KCNQ1: variants seen among roughly 807,000 people sequenced by gnomAD.
KCNQ1 encodes the protein potassium voltage-gated channel subfamily KQT member 1.
A neutral mutation model predicts 72.4 loss-of-function variants in KCNQ1; 49 were observed. The observed-to-expected ratio is 0.68, with a 90% CI of 0.54 to 0.86. The LOEUF is 0.86. KCNQ1 is among the 40% of genes least tolerant of loss of function. The pLI is 0.00. For synonymous variants in KCNQ1, 450 were observed against 412.6 expected, an observed-to-expected ratio of 1.09 and a Z score of -1.10; for missense variants, 790 against 945.1, an observed-to-expected ratio of 0.84 and a Z score of 2.15.
intron 2 of KCNQ1, among the ~76,000 whole-genome samples, chr11:2,568,462 C>T (rs1476161693): frequency 3.3e-5 from 5 of 152,134 alleles, no homozygotes; most frequent in East Asian, 1.9e-4. Flanking sequence ...GTCTCAGCTC[C>T]GGGGACTTGG....
At chr11:2,675,127 C>T in intron 11 of KCNQ1, 1 of 398,656 alleles carries the variant, frequency 2.5e-6, no homozygotes, top group Non-Finnish European at 4.4e-6. Flanking sequence ...TCACTAGCCT[C>T]TTTCTCCCAT....
Position 2,588,031 on chromosome 11 carries a change from T to C in KCNQ1, c.1251+339T>C, listed in dbSNP as rs1003723533. On this transcript the variant is annotated intron_variant, in intron 9 of 15. Transcript: ENST00000155840. This position sits in a 1 kb window ranked among gnomAD's most constrained non-coding sequence, Gnocchi z 5.6. ...ACCGGGCGCAGTGGGTGGTGAGCAGTGGGCAGGGGGCCGCGCGCAGTGGGT... is the reference window on the plus strand; with the variant it reads ...ACCGGGCGCAGTGGGTGGTGAGCAGCGGGCAGGGGGCCGCGCGCAGTGGGT... Among the ~76,000 whole-genome samples the C allele has an allele frequency of 3.5e-5, 5 of 142,690 alleles. No homozygotes were observed. The highest frequency in any genetic ancestry group is 7.0e-5 in the Admixed American group (1 of 14,334). The allele number at this position is 142,690 out of a possible 152,430, so 93.6% of individuals were successfully genotyped here.
At position 2,671,092 on chromosome 11, in the gene KCNQ1, GGCAGTTAGTCTGA is replaced by G. The variant is rs35276020; in HGVS notation, c.1514+9024_1514+9036del. 181,287 of 397,962 alleles carry G rather than the reference GGCAGTTAGTCTGA, an allele frequency of 0.46. 45,415 individuals are homozygous for G. The highest frequency in any genetic ancestry group is 0.9 in the East Asian group (25,103 of 28,014). 24.7% of individuals were successfully genotyped at this position (397,962 alleles called of 1,614,324 possible). The stretch of plus-strand genomic sequence containing the variant: ...GTGACTGGCTAGCAGGAGGAAGTCT[GGCAGTTAGTCTGA>G]GCAGTTAGTCTGTCAGGCCTGGTTG... On this transcript the variant is annotated intron_variant, in intron 11 of 15. Coordinates refer to ENST00000155840, the MANE Select transcript of KCNQ1 (RefSeq NM_000218.3). The surrounding 1 kb of genome is among the most constrained non-coding windows in gnomAD (Gnocchi z 4.7).
intron 11 of KCNQ1, among the ~76,000 whole-genome samples, chr11:2,705,069 G>A (rs1850883809): frequency 6.6e-6 from 1 of 152,152 alleles, no homozygotes; most frequent in African/African-American, 2.4e-5. Flanking sequence ...ACAGATGCAG[G>A]TCCTGCTCCC....
chr11:2,804,380 C>T (rs191868171), intron 15 of KCNQ1, among the ~76,000 whole-genome samples: 4 of 152,314 alleles, frequency 2.6e-5, no homozygotes, highest in African/African-American at 7.2e-5. Flanking sequence ...TGAATGCAGG[C>T]CGCCTGGTCA....
chr11:2,500,997 A>G (rs549987314), intron 1 of KCNQ1, among the ~76,000 whole-genome samples: 16 of 152,318 alleles, frequency 1.1e-4, no homozygotes, highest in Admixed American at 2.0e-4. Flanking sequence ...TGTTCTGCAC[A>G]TGTACCCCAG....
rs1201285097 is a variant in KCNQ1, at chr11:2,563,389, G to A, written c.478-7239G>A. 6.6e-6 allele frequency among the ~76,000 whole-genome samples: 1 copy of A among 152,196 alleles called. No individual in the cohort carries two copies. The highest frequency in any genetic ancestry group is 1.5e-5 in the Non-Finnish European group (1 of 68,040). ...TAAGCACCTGCTTTGCTAGACCCTT[G>A]CTGGCCCTCCGGCTTCGGGCAGGTC... On this transcript the variant is annotated intron_variant, in intron 2 of 15. Coordinates refer to ENST00000155840, the MANE Select transcript of KCNQ1 (RefSeq NM_000218.3). The surrounding 1 kb of genome is among the most constrained non-coding windows in gnomAD (Gnocchi z 7.4).
At chr11:2,575,224 G>A (rs1311757348) in intron 6 of KCNQ1, among the ~76,000 whole-genome samples, 6 of 152,178 alleles carry the variant, frequency 3.9e-5, no homozygotes, top group African/African-American at 7.2e-5. Flanking sequence ...ACATCCGCCC[G>A]CTGGCCGGGA....
At chr11:2,799,404 T>A (rs1847212997) in intron 15 of KCNQ1, among the ~76,000 whole-genome samples, 1 of 138,110 alleles carries the variant, frequency 7.2e-6, no homozygotes. Flanking sequence ...GTGTGTGTGG[T>A]GTGGTGTGTA....
rs1846041560 is a variant in KCNQ1 at position 2,446,657 on chromosome 11, G to C, written c.386+1173G>C. On this transcript the variant is annotated intron_variant, in intron 1 of 15. Transcript: ENST00000155840. The surrounding 1 kb of genome is among the most constrained non-coding windows in gnomAD (Gnocchi z 8.8). ...GCAGGGCTACTGCCTTCCTTGCTAAGAGGTGGCCTTCCACATCAGGAAGGG... is the reference window on the plus strand; with the variant it reads ...GCAGGGCTACTGCCTTCCTTGCTAACAGGTGGCCTTCCACATCAGGAAGGG... 6.6e-6 allele frequency among the ~76,000 whole-genome samples: 1 copy of C among 152,200 alleles called. No individual in the cohort carries two copies. Among genetic ancestry groups the C allele is most frequent in the Non-Finnish European group, 1.5e-5 (1 of 68,028 alleles).
At position 2,595,372 on chromosome 11, in the gene KCNQ1, C is replaced by T. The variant is rs976992692; in HGVS notation, c.1393+6518C>T. On this transcript the variant is annotated intron_variant, in intron 10 of 15. Transcript: ENST00000155840. This position sits in a 1 kb window ranked among gnomAD's most constrained non-coding sequence, Gnocchi z 5.0. ...GAAATTGAGATTTTTAAAATACAGG[C>T]GTGTCTCATTCTTATTGACTGCACT... 3.3e-5 allele frequency among the ~76,000 whole-genome samples: 5 copies of T among 152,088 alleles called. No homozygotes were observed. The highest frequency in any genetic ancestry group is 4.8e-5 in the African/African-American group (2 of 41,412).
chr11:2,522,451 TGCAGAGGCAG>T (rs1847404502), intron 1 of KCNQ1, among the ~76,000 whole-genome samples: 1 of 152,116 alleles, frequency 6.6e-6, no homozygotes, highest in Non-Finnish European at 1.5e-5. Flanking sequence ...TAGGTGGCCC[TGCAGAGGCAG>T]GAGGGGACAC....
At chr11:2,503,398 A>T (rs1847047863) in intron 1 of KCNQ1, among the ~76,000 whole-genome samples, 1 of 152,164 alleles carries the variant, frequency 6.6e-6, no homozygotes, top group Non-Finnish European at 1.5e-5. Flanking sequence ...AGACAAATGG[A>T]TGAAACTGGA....
intron 10 of KCNQ1, among the ~76,000 whole-genome samples, chr11:2,604,819 A>G (rs1050411830): frequency 6.6e-6 from 1 of 152,184 alleles, no homozygotes; most frequent in Non-Finnish European, 1.5e-5. Context: ...CTGGGATTAC[A>G]GGTGTGAGCC....
rs373221045 is a variant in KCNQ1 at position 2,795,269 on chromosome 11, C to A, written c.1794+17232C>A. On this transcript the variant is annotated intron_variant, in intron 15 of 15. Coordinates refer to ENST00000155840, the MANE Select transcript of KCNQ1 (RefSeq NM_000218.3). The stretch of plus-strand genomic sequence containing the variant: ...CTTCGCCTCGGGCTGGAGCTCAGAG[C>A]AGTCCCTGCTGCTGCCAGACCTGCA... Among the ~76,000 whole-genome samples the A allele has an allele frequency of 1.7e-4, 26 of 152,376 alleles. No individual in the cohort carries two copies. In the East Asian group the frequency reaches 3.7e-3, roughly 21 times the overall value.
At chr11:2,582,136 C>T (rs1489943431) in intron 6 of KCNQ1, among the ~76,000 whole-genome samples, 2 of 152,204 alleles carry the variant, frequency 1.3e-5, no homozygotes, top group African/African-American at 4.8e-5. Context: ...CCTGGTTTCC[C>T]GCAATGTGGC....
intron 10 of KCNQ1, chr11:2,635,676 G>A (rs1849453121): frequency 1.3e-5 from 2 of 152,044 alleles, no homozygotes; most frequent in Admixed American, 6.6e-5. Context: ...CTCTTTTTTG[G>A]TTCCATATGA....
intron 7 of KCNQ1, 103 bp downstream of exon 7, chr11:2,583,648 C>A (rs1848540095): frequency 6.1e-6 from 5 of 821,686 alleles, no homozygotes; most frequent in Non-Finnish European, 1.1e-5. Context: ...CGTTCAGAAC[C>A]AAGAGGGTGC....
At chr11:2,819,083 C>A (rs1271699061) in intron 15 of KCNQ1, among the ~76,000 whole-genome samples, 2 of 152,230 alleles carry the variant, frequency 1.3e-5, no homozygotes, top group Non-Finnish European at 2.9e-5. Context: ...TTAGGGAGTA[C>A]CCTCACCTGG....
Sources: gnomAD v4.1 joint callset for allele counts (sites outside exome capture counted in the v4.1 genomes callset) on GRCh38, gnomAD v4.1.1 for gene constraint, Gnocchi (gnomAD v3.1) non-coding constraint, MANE v1.5 for transcripts, NCBI Gene and HGNC (gene_info 2026-07-23, HGNC 2026-07-21) for gene names.